TOGARAM1: variants seen among roughly 807,000 people sequenced by gnomAD.
The protein encoded by TOGARAM1 is TOG array regulator of axonemal microtubules 1, also known as TOG array regulator of axonemal microtubules protein 1.
A neutral mutation model predicts 166.6 loss-of-function variants in TOGARAM1; 100 were observed. That is an observed-to-expected ratio of 0.60 (90% CI 0.51 to 0.71). The LOEUF (loss-of-function observed/expected upper bound fraction) is 0.71. Ranked by LOEUF, TOGARAM1 falls within the 30% of genes least tolerant of loss-of-function variation. The probability of loss-of-function intolerance (pLI) is 0.00; values close to 1 mark genes in which losing one functional copy is unlikely to be tolerated. For synonymous variants in TOGARAM1, 758 were observed against 763.8 expected (o/e 0.99, Z 0.13); for missense variants, 2,029 against 2,102.7 (o/e 0.96, Z 0.69).
intron 16 of TOGARAM1, among the ~76,000 whole-genome samples, chr14:45,055,035 G>C (rs1350780521): frequency 6.6e-6 from 1 of 152,044 alleles, no homozygotes; most frequent in Non-Finnish European, 1.5e-5. Context: ...GGGCAACATG[G>C]CAAAACCCTG....
rs1156627759 is a variant in TOGARAM1, at chr14:44,963,294, GTTTCAATCTTACA to G, written c.878_890del (p.Gln293LeufsTer7). On this transcript the variant is annotated frameshift_variant, in exon 1 of 20. Coordinates refer to ENST00000361462, the MANE Select transcript of TOGARAM1 (RefSeq NM_001308120.2). LOFTEE classifies it high-confidence loss of function. The stretch of plus-strand genomic sequence containing the variant: ...TTGGGGAGCGACTTGGCCAAGACAG[GTTTCAATCTTACA>G]TTTCTCGTCTGCCCTCTGCCCTGAG... 1 of 1,614,176 alleles carries G rather than the reference GTTTCAATCTTACA, an allele frequency of 6.2e-7. No homozygotes were observed. The highest frequency in any genetic ancestry group is 8.5e-7 in the Non-Finnish European group (1 of 1,180,030).
chr14:45,071,503 C>T (rs971315331), intron 18 of TOGARAM1, among the ~76,000 whole-genome samples: 1 of 152,114 alleles, frequency 6.6e-6, no homozygotes, highest in South Asian at 2.1e-4. Context: ...GATCCTCTCA[C>T]CTCAGCCTCC....
rs1887372624 is a variant in TOGARAM1, at chr14:44,995,569, TGAAA to T, written c.2047-176_2047-173del. The stretch of plus-strand genomic sequence containing the variant: ...AACAATTAGCATTTCTCTTCTGGAA[TGAAA>T]AGTACTGTTGGTGTACCCGACTAAA... On this transcript the variant is annotated intron_variant, in intron 1 of 19. Coordinates refer to ENST00000361462, the MANE Select transcript of TOGARAM1 (RefSeq NM_001308120.2). 6 of 630,110 alleles carry T rather than the reference TGAAA, an allele frequency of 9.5e-6. No homozygotes were observed. The Admixed American group carries it at 1.3e-4, about 13-fold the overall frequency. The allele number at this position is 630,110 out of a possible 1,614,324, so 39.0% of individuals were successfully genotyped here.
chr14:45,014,892 A>G (rs1222905115), intron 7 of TOGARAM1, among the ~76,000 whole-genome samples: 1 of 152,202 alleles, frequency 6.6e-6, no homozygotes, highest in East Asian at 1.9e-4. Context: ...GATATTCTTG[A>G]AACTTTTCTC....
At chr14:44,973,538 G>GTT (rs138687321) in intron 1 of TOGARAM1, among the ~76,000 whole-genome samples, 20 of 147,570 alleles carry the variant, frequency 1.4e-4, no homozygotes, top group African/African-American at 4.5e-4. Context: ...TGAAAAATAA[G>GTT]TTTTTTTTTT....
chr14:45,045,577 ATATATATG>A (rs1297462543), intron 13 of TOGARAM1, among the ~76,000 whole-genome samples: 19 of 37,510 alleles, frequency 5.1e-4, no homozygotes, highest in South Asian at 1.0e-3. Flanking sequence ...ATATATATAT[ATATATATG>A]TGTGTGTGTG....
rs548943086 is a variant in TOGARAM1 at position 45,053,107 on chromosome 14, C to T, written c.4440+545C>T. Among the ~76,000 whole-genome samples, 24 of 145,002 alleles carry T rather than the reference C, an allele frequency of 1.7e-4. 3 individuals are homozygous for T. The highest frequency in any genetic ancestry group is 4.9e-4 in the African/African-American group (19 of 39,128). On this transcript the variant is annotated intron_variant, in intron 15 of 19. Transcript: ENST00000361462. ...AGGCTAGAGTGCAGTGGTGTGATCT[C>T]GGCTCACTACAACCTCCACCTCTTG...
chr14:45,061,855 T>C (rs1352897745), intron 16 of TOGARAM1, among the ~76,000 whole-genome samples: 1 of 151,794 alleles, frequency 6.6e-6, no homozygotes, highest in Non-Finnish European at 1.5e-5. Flanking sequence ...ATTGGGATAA[T>C]GCTGAATAAT....
Position 45,032,142 on chromosome 14 carries a change from A to C in TOGARAM1, c.3659-81A>C, listed in dbSNP as rs993989124. 5.5e-6 allele frequency: 7 copies of C among 1,277,790 alleles called. No individual in the cohort carries two copies. In the East Asian group the frequency reaches 7.6e-5, roughly 14 times the overall value. 79.2% of individuals were successfully genotyped at this position (1,277,790 alleles called of 1,614,324 possible). A position where few individuals can be genotyped will look rare whatever the true frequency, so the allele number is the denominator to read the frequency against. ...ACTACTGCACCCTAGCCTGGGCAAC[A>C]CAGCGAGACTCCATCTCAAAAAGAT... On this transcript the variant is annotated intron_variant, in intron 10 of 19. Coordinates refer to ENST00000361462, the MANE Select transcript of TOGARAM1 (RefSeq NM_001308120.2).
chr14:44,985,661 T>G (rs1361985726), intron 1 of TOGARAM1, among the ~76,000 whole-genome samples: 1 of 152,210 alleles, frequency 6.6e-6, no homozygotes, highest in Non-Finnish European at 1.5e-5. Flanking sequence ...TAAATACATT[T>G]GAAGCTTTGC....
chr14:45,065,100 G>A (rs184124994), intron 16 of TOGARAM1, among the ~76,000 whole-genome samples: 1 of 152,128 alleles, frequency 6.6e-6, no homozygotes, highest in East Asian at 1.9e-4. Flanking sequence ...CTTGCAGTGA[G>A]CCAAGATCAT....
intron 7 of TOGARAM1, among the ~76,000 whole-genome samples, chr14:45,017,728 A>G (rs969473105): frequency 1.3e-5 from 2 of 152,188 alleles, no homozygotes; most frequent in East Asian, 3.9e-4. Flanking sequence ...TACTAAAAAT[A>G]CAAAAACTTA....
chr14:44,979,433 C>A (rs1281494610), intron 1 of TOGARAM1, among the ~76,000 whole-genome samples: 1 of 152,136 alleles, frequency 6.6e-6, no homozygotes, highest in African/African-American at 2.4e-5. Context: ...TATAAGGGCA[C>A]TAATCCCATA....
chr14:45,050,030 G>A (rs1882284933), intron 14 of TOGARAM1, among the ~76,000 whole-genome samples: 1 of 151,982 alleles, frequency 6.6e-6, no homozygotes, highest in African/African-American at 2.4e-5. Context: ...CTGCTGACTT[G>A]TTTGTTTTAG....
chr14:45,068,351 A>G (rs1883226919), intron 17 of TOGARAM1, 73 bp from the exon 18 acceptor site: 18 of 1,067,880 alleles, frequency 1.7e-5, no homozygotes, highest in Non-Finnish European at 2.0e-5. Flanking sequence ...ATATTATGAC[A>G]TGCCAAGATA....
intron 13 of TOGARAM1, among the ~76,000 whole-genome samples, chr14:45,045,700 T>TACACATATATATACAC (rs1882024551): frequency 8.8e-6 from 1 of 113,020 alleles, no homozygotes; most frequent in Admixed American, 8.8e-5. Flanking sequence ...TACACATATA[T>TACACATATATATACAC]ATGTGTATAT....
At chr14:45,027,188 T>C (rs1880901290) in intron 8 of TOGARAM1, 111 bp from the exon 9 acceptor site, 2 of 997,282 alleles carry the variant, frequency 2.0e-6, no homozygotes, top group Non-Finnish European at 1.5e-6. Context: ...ATGTTTTTCT[T>C]ACTAACTGTG....
intron 10 of TOGARAM1, among the ~76,000 whole-genome samples, chr14:45,029,745 C>T (rs1005440803): frequency 2.0e-5 from 3 of 152,126 alleles, no homozygotes; most frequent in African/African-American, 7.2e-5. Flanking sequence ...ACTATTTTAA[C>T]AATTTGACAA....
At chr14:44,990,838 A>G (rs981299753) in intron 1 of TOGARAM1, among the ~76,000 whole-genome samples, 1 of 149,178 alleles carries the variant, frequency 6.7e-6, no homozygotes, top group Non-Finnish European at 1.5e-5. Context: ...TGTTTTTGAG[A>G]TGGGGTCTTA....
Sources: allele counts gnomAD v4.1 joint callset (sites outside exome capture counted in the v4.1 genomes callset), GRCh38; gene constraint gnomAD v4.1.1; transcripts MANE v1.5; gene names NCBI Gene and HGNC (gene_info 2026-07-23, HGNC 2026-07-21).